Variants in NUP153 observed in about 807,000 individuals in gnomAD.
NUP153 encodes nuclear pore complex protein Nup153.
NUP153 carries 27 observed loss-of-function variants against 134.6 expected under a neutral mutation model. The ratio of observed to expected loss-of-function variants is 0.20; its 90% CI spans 0.15 to 0.28. The LOEUF is 0.28. Among genes scored for constraint, NUP153 ranks in the 10% least tolerant of loss-of-function variants. NUP153 has a pLI of 1.00. For missense variants in NUP153, 1,821 were observed against 1,731.3 expected, an observed-to-expected ratio of 1.05 and a Z score of -0.92; for synonymous variants, 640 against 623.5, an observed-to-expected ratio of 1.03 and a Z score of -0.40.
intron 20 of NUP153, 107 bp from the exon 21 acceptor site, chr6:17,616,802 TAC>T: frequency 9.5e-7 from 1 of 1,055,602 alleles, no homozygotes; most frequent in Non-Finnish European, 1.4e-6. Context: ...CAGGCTGGAG[TAC>T]AGTGGCACAA....
intron 5 of NUP153, among the ~76,000 whole-genome samples, chr6:17,673,522 T>G (rs1479323782): frequency 6.6e-6 from 1 of 152,136 alleles, no homozygotes; most frequent in African/African-American, 2.4e-5. Context: ...GGTGGAAGAT[T>G]TGAACAGACA....
chr6:17,702,028 C>G, intron 1 of NUP153, among the ~76,000 whole-genome samples: 1 of 150,250 alleles, frequency 6.7e-6, no homozygotes, highest in African/African-American at 2.5e-5. Flanking sequence ...CAGGAGGTGG[C>G]AGTAGGTTCT....
intron 1 of NUP153, among the ~76,000 whole-genome samples, chr6:17,692,563 T>C (rs188003488): frequency 1.1e-3 from 168 of 152,102 alleles, no homozygotes; most frequent in African/African-American, 3.6e-3. Flanking sequence ...GGAAGGAAAA[T>C]AATAAAATGG....
At chr6:17,698,753 A>G (rs1048976243) in intron 1 of NUP153, among the ~76,000 whole-genome samples, 18 of 151,382 alleles carry the variant, frequency 1.2e-4, no homozygotes, top group Admixed American at 2.6e-4. Flanking sequence ...AAAAAAAAAA[A>G]AAAGAGCTGG....
At chr6:17,618,246 A>G (rs1764440572) in intron 20 of NUP153, among the ~76,000 whole-genome samples, 2 of 152,238 alleles carry the variant, frequency 1.3e-5, no homozygotes, top group South Asian at 2.1e-4. Context: ...AAGCCCTATC[A>G]ATGTAGAAAG....
intron 14 of NUP153, among the ~76,000 whole-genome samples, chr6:17,640,556 G>T (rs770718107): frequency 3.3e-5 from 5 of 152,092 alleles, no homozygotes; most frequent in Non-Finnish European, 5.9e-5. Flanking sequence ...TTAAATAAGG[G>T]TATATGGTTA....
chr6:17,619,709 G>T (rs1173749585), intron 20 of NUP153: 1 of 152,138 alleles, frequency 6.6e-6, no homozygotes, highest in Admixed American at 6.6e-5. Context: ...TGGATCAGAA[G>T]AACTATTATT....
chr6:17,675,057 T>TTA lies in NUP153; in HGVS notation c.724-26_724-25dup. On this transcript the variant is annotated intron_variant, in intron 4 of 21. Coordinates refer to ENST00000262077, the MANE Select transcript of NUP153 (RefSeq NM_005124.4). The surrounding 1 kb of genome is among the most constrained non-coding windows in gnomAD (Gnocchi z 4.4). The stretch of plus-strand genomic sequence containing the variant: ...GACTGCACAGAAACAGAATGATAAA[T>TTA]TATAAGCCATATGAACCCAGGAGGT... The TTA allele has an allele frequency of 6.2e-7, 1 of 1,611,872 alleles. No homozygotes were observed. The highest frequency in any genetic ancestry group is 8.5e-7 in the Non-Finnish European group (1 of 1,179,084).
rs537786863 is a variant in NUP153, at chr6:17,706,607, G to A, written c.-220C>T. ...GGGGAAGGGGGTGGCGGCCGCAGAG[G>A]CCGAGGAGGCTCCGGTCCGGCCGCC... On this transcript the variant is annotated 5_prime_UTR_variant, in exon 1 of 22. Transcript: ENST00000262077. This position sits in a 1 kb window ranked among gnomAD's most constrained non-coding sequence, Gnocchi z 5.9. 4 of 574,778 alleles carry A rather than the reference G, an allele frequency of 7.0e-6. No individual in the cohort carries two copies. The highest frequency in any genetic ancestry group is 6.0e-5 in the African/African-American group (3 of 50,232). 35.6% of individuals were successfully genotyped at this position (574,778 alleles called of 1,614,324 possible).
At chr6:17,669,066 A>C in intron 7 of NUP153, 38 bp from the exon 8 acceptor site, 3 of 1,306,686 alleles carry the variant, frequency 2.3e-6, no homozygotes, top group Non-Finnish European at 3.1e-6. Context: ...ATAGATGGGG[A>C]GTTATGAAAA....
At chr6:17,621,627 CAT>C (rs1376928832) in intron 20 of NUP153, among the ~76,000 whole-genome samples, 4 of 152,326 alleles carry the variant, frequency 2.6e-5, no homozygotes, top group South Asian at 2.1e-4. Context: ...TGTTCTCACT[CAT>C]GTGTAGGAGC....
chr6:17,621,574 T>TC, intron 20 of NUP153, among the ~76,000 whole-genome samples: 1 of 152,304 alleles, frequency 6.6e-6, no homozygotes, highest in Non-Finnish European at 1.5e-5. Context: ...CTGAAGGACA[T>TC]TATGTTAGGT....
At chr6:17,698,563 C>G (rs1476633440) in intron 1 of NUP153, among the ~76,000 whole-genome samples, 1 of 152,092 alleles carries the variant, frequency 6.6e-6, no homozygotes, top group East Asian at 1.9e-4. Context: ...ATGGTGAAAC[C>G]CCATCTCTAC....
At chr6:17,618,568 T>G in intron 20 of NUP153, among the ~76,000 whole-genome samples, 1 of 149,440 alleles carries the variant, frequency 6.7e-6, no homozygotes, top group Non-Finnish European at 1.5e-5. Context: ...CTCTCTTTTT[T>G]TTTTTTTTTT....
chr6:17,616,151 A>AG lies in NUP153; in HGVS notation c.4373dup (p.Gly1459TrpfsTer14), dbSNP rs1764304291. 6.2e-7 allele frequency: 1 copy of AG among 1,613,772 alleles called. No individual in the cohort carries two copies. Among genetic ancestry groups the AG allele is most frequent in the South Asian group, 1.1e-5 (1 of 91,082 alleles). Reference sequence around the variant, plus strand: ...TCTTGCGACCAGAGAATGAAGTTCCAGAAGAAGAGAACACATTTTTCCCAT... The same window carrying AG: ...TCTTGCGACCAGAGAATGAAGTTCCAGGAAGAAGAGAACACATTTTTCCCAT... On this transcript the variant is annotated frameshift_variant, in exon 22 of 22. Transcript: ENST00000262077. LOFTEE classifies it high-confidence loss of function.
intron 16 of NUP153, among the ~76,000 whole-genome samples, chr6:17,636,105 G>A (rs368726750): frequency 2.0e-4 from 30 of 152,316 alleles, no homozygotes; most frequent in African/African-American, 6.3e-4. Flanking sequence ...AGGCCAAGGC[G>A]GATAGATCAC....
In NUP153 at chr6:17,687,555, A is replaced by AGAG. The variant is rs1769007701; in HGVS notation, c.334+840_334+841insCTC. On this transcript the variant is annotated intron_variant, in intron 2 of 21. Coordinates refer to ENST00000262077, the MANE Select transcript of NUP153 (RefSeq NM_005124.4). The stretch of plus-strand genomic sequence containing the variant: ...GAAAAATTAGGTTTGCCATTTCTCT[A>AGAG]AAATAAAAACCATTCTTTCAGGGCC... Among the ~76,000 whole-genome samples, 4 of 152,362 alleles carry AGAG rather than the reference A, an allele frequency of 2.6e-5. No homozygotes were observed. The South Asian group carries it at 8.3e-4, about 32-fold the overall frequency.
At chr6:17,700,184 CAA>C (rs972870845) in intron 1 of NUP153, among the ~76,000 whole-genome samples, 1 of 150,240 alleles carries the variant, frequency 6.7e-6, no homozygotes, top group Non-Finnish European at 1.5e-5. Flanking sequence ...TGGTCTCCCA[CAA>C]AAAAAAAGAT....
intron 1 of NUP153, among the ~76,000 whole-genome samples, chr6:17,691,232 A>G (rs1212072476): frequency 6.6e-6 from 1 of 152,244 alleles, no homozygotes; most frequent in Non-Finnish European, 1.5e-5. Context: ...CAATAGATCT[A>G]CAAGTAAGCT....
Sources: allele counts gnomAD v4.1 joint callset (sites outside exome capture counted in the v4.1 genomes callset), GRCh38; gene constraint gnomAD v4.1.1; non-coding constraint Gnocchi (gnomAD v3.1); transcripts MANE v1.5; gene names NCBI Gene and HGNC (gene_info 2026-07-23, HGNC 2026-07-21).